Variants in SNX29 observed in about 807,000 individuals in gnomAD.
The protein encoded by SNX29 is sorting nexin 29, also known as sorting nexin-29.
A neutral mutation model predicts 102.1 loss-of-function variants in SNX29; 78 were observed. The observed-to-expected ratio is 0.76, with a 90% confidence interval of 0.64 to 0.92. The LOEUF (loss-of-function observed/expected upper bound fraction) is 0.92. Among genes scored for constraint, SNX29 ranks in the 40% least tolerant of loss-of-function variants. The probability of loss-of-function intolerance (pLI) is 0.00; values close to 1 mark genes in which losing one functional copy is unlikely to be tolerated. For missense variants in SNX29, 1,280 were observed against 1,061.7 expected (o/e 1.21, Z -2.86); for synonymous variants, 580 against 414.5 (o/e 1.40, Z -4.85).
At chr16:12,134,154 A>G (rs1224580364) in intron 13 of SNX29, among the ~76,000 whole-genome samples, 2 of 152,240 alleles carry the variant, frequency 1.3e-5, no homozygotes, top group African/African-American at 4.8e-5. Context: ...GTTAAAAAAG[A>G]CACACATTTA....
intron 15 of SNX29, among the ~76,000 whole-genome samples, chr16:12,309,776 G>A (rs907006030): frequency 3.3e-5 from 5 of 152,138 alleles, no homozygotes; most frequent in Non-Finnish European, 7.3e-5. Flanking sequence ...TGGTTTGGAG[G>A]AATTGGAAGG....
intron 11 of SNX29, among the ~76,000 whole-genome samples, chr16:12,109,314 T>C (rs1391556955): frequency 6.6e-6 from 1 of 151,624 alleles, no homozygotes; most frequent in Non-Finnish European, 1.5e-5. Context: ...AGCTCAGGTC[T>C]CTCTTCCTCT....
intron 11 of SNX29, among the ~76,000 whole-genome samples, chr16:12,125,883 C>G (rs2141380941): frequency 6.6e-6 from 1 of 152,228 alleles, no homozygotes. Flanking sequence ...GCTATGAGGT[C>G]TGAGTAGCAG....
chr16:12,357,573 G>A (rs1047896154), intron 16 of SNX29, among the ~76,000 whole-genome samples: 35 of 152,100 alleles, frequency 2.3e-4, no homozygotes, highest in Admixed American at 4.6e-4. Flanking sequence ...TTTAACCATC[G>A]TTAAGTGTAC....
intron 10 of SNX29, among the ~76,000 whole-genome samples, chr16:12,074,362 C>T (rs1596780241): frequency 6.6e-6 from 1 of 151,806 alleles, no homozygotes; most frequent in South Asian, 2.1e-4. Flanking sequence ...TAGGGCAGGC[C>T]TGGTGGTGAC....
At chr16:12,517,322 G>C (rs889809846) in intron 19 of SNX29, among the ~76,000 whole-genome samples, 1 of 152,160 alleles carries the variant, frequency 6.6e-6, no homozygotes, top group African/African-American at 2.4e-5. Context: ...TTCCTCAGGG[G>C]GTCAGGGCCC....
intron 13 of SNX29, among the ~76,000 whole-genome samples, chr16:12,177,307 A>C (rs2076282461): frequency 6.6e-6 from 1 of 152,086 alleles, no homozygotes; most frequent in South Asian, 2.1e-4. Context: ...CTGCTTTCCT[A>C]CTCACAGCCT....
chr16:12,311,337 A>G (rs1179119082), intron 15 of SNX29, among the ~76,000 whole-genome samples: 1 of 152,186 alleles, frequency 6.6e-6, no homozygotes, highest in Admixed American at 6.5e-5. Context: ...TGCTCCAAAC[A>G]CAGCCTCTCA....
At chr16:12,151,831 G>T (rs571981085) in intron 13 of SNX29, among the ~76,000 whole-genome samples, 2 of 152,186 alleles carry the variant, frequency 1.3e-5, no homozygotes, top group African/African-American at 4.8e-5. Flanking sequence ...TGCCTCCCGG[G>T]TTCAAGTGAT....
In SNX29 at chr16:12,098,577, C is replaced by T. The variant is rs1212586062; in HGVS notation, c.1402+19662C>T. On this transcript the variant is annotated intron_variant, in intron 11 of 20. Transcript: ENST00000566228. This position sits in a 1 kb window ranked among gnomAD's most constrained non-coding sequence, Gnocchi z 6.0. The stretch of plus-strand genomic sequence containing the variant: ...CGCAGACGATTCAGTTTCATGCGCG[C>T]CCGATTCAGTTTCATGCTCTTCCGT... 6.6e-6 allele frequency among the ~76,000 whole-genome samples: 1 copy of T among 152,164 alleles called. No homozygotes were observed. Among genetic ancestry groups the T allele is most frequent in the Non-Finnish European group, 1.5e-5 (1 of 68,030 alleles).
chr16:12,559,074 G>C (rs2078556663), intron 20 of SNX29, among the ~76,000 whole-genome samples: 1 of 152,138 alleles, frequency 6.6e-6, no homozygotes, highest in African/African-American at 2.4e-5. Context: ...GTCTACCGCT[G>C]TGTCCCCGTG....
intron 18 of SNX29, among the ~76,000 whole-genome samples, chr16:12,468,515 ACC>A (rs1328044770): frequency 6.6e-6 from 1 of 151,252 alleles, no homozygotes; most frequent in Non-Finnish European, 1.5e-5. Flanking sequence ...AGCTAATCCA[ACC>A]CCACTCCCAG....
chr16:12,200,717 C>G (rs2076893158), intron 14 of SNX29, among the ~76,000 whole-genome samples: 1 of 152,134 alleles, frequency 6.6e-6, no homozygotes, highest in South Asian at 2.1e-4. Flanking sequence ...ACTCCTGACT[C>G]CAGGTGATCC....
intron 18 of SNX29, among the ~76,000 whole-genome samples, chr16:12,459,817 A>G (rs2086701284): frequency 6.6e-6 from 1 of 151,808 alleles, no homozygotes; most frequent in Non-Finnish European, 1.5e-5. Flanking sequence ...TTTTTGAGAT[A>G]CCCTTGTACC....
chr16:12,228,419 C>T (rs2077677876), intron 14 of SNX29, among the ~76,000 whole-genome samples: 1 of 152,242 alleles, frequency 6.6e-6, no homozygotes, highest in Admixed American at 6.5e-5. Context: ...AGCTGCTTTA[C>T]CTTGCCTCCA....
At chr16:12,531,921 A>T (rs755690922) in intron 20 of SNX29, among the ~76,000 whole-genome samples, 1 of 152,224 alleles carries the variant, frequency 6.6e-6, no homozygotes, top group Non-Finnish European at 1.5e-5. Flanking sequence ...AAGAAAAACC[A>T]GTCAAGAGGT....
At chr16:12,524,957 C>T in intron 20 of SNX29, 116 bp downstream of exon 20, 1 of 1,433,994 alleles carries the variant, frequency 7.0e-7, no homozygotes, top group Non-Finnish European at 9.4e-7. Context: ...GCCATGGGAC[C>T]CAGGCGAACT....
chr16:12,364,219 T>TATGTTATTG (rs2082392167), intron 16 of SNX29, among the ~76,000 whole-genome samples: 4 of 151,918 alleles, frequency 2.6e-5, no homozygotes, highest in Admixed American at 6.6e-5. Flanking sequence ...TTATGTTATT[T>TATGTTATTG]TTGTAGAGGC....
intron 20 of SNX29, among the ~76,000 whole-genome samples, chr16:12,530,877 C>G (rs1223515525): frequency 3.9e-5 from 6 of 152,162 alleles, no homozygotes; most frequent in South Asian, 2.1e-4. Flanking sequence ...TTTAATAAAA[C>G]TGGCTCAGTC....
Sources: gnomAD v4.1 joint callset for allele counts (sites outside exome capture counted in the v4.1 genomes callset) on GRCh38, gnomAD v4.1.1 for gene constraint, Gnocchi (gnomAD v3.1) non-coding constraint, MANE v1.5 for transcripts, NCBI Gene and HGNC (gene_info 2026-07-23, HGNC 2026-07-21) for gene names.